The following SNX18 variants were observed in gnomAD, a reference collection of about 807,000 sequenced individuals.
SNX18 encodes sorting nexin 18, also known as sorting nexin-18.
Under a neutral mutation model 48.7 loss-of-function variants are expected in SNX18, and 35 were observed. The observed-to-expected ratio is 0.72, with a 90% CI of 0.55 to 0.95. The LOEUF is 0.95. SNX18 is among the 40% of genes least tolerant of loss of function. SNX18 has a pLI of 0.00. For missense variants in SNX18, 824 were observed against 871.0 expected (o/e 0.95, Z 0.68); for synonymous variants, 492 against 384.7 (o/e 1.28, Z -3.26).
At chr5:54,566,674 T>C in the SNX18 span, among the ~76,000 whole-genome samples, 1 of 152,328 alleles carries the variant, frequency 6.6e-6, no homozygotes, top group African/African-American at 2.4e-5. Flanking sequence ...ATGTGCATTG[T>C]TTTAAGGGTT....
chr5:54,571,581 A>C, the SNX18 span, among the ~76,000 whole-genome samples: 189 of 152,212 alleles, frequency 1.2e-3, 2 homozygotes, highest in Middle Eastern at 3.4e-3. Context: ...GACGGATTGG[A>C]ATGACTTGAG....
chr5:54,540,304 C>T (rs1000837190), intron 1 of SNX18, among the ~76,000 whole-genome samples: 2 of 151,964 alleles, frequency 1.3e-5, no homozygotes, highest in Non-Finnish European at 1.5e-5. Context: ...CAGCCTCAAC[C>T]TCCTGGACTC....
the SNX18 span, among the ~76,000 whole-genome samples, chr5:54,633,547 A>G: frequency 1.3e-5 from 2 of 152,218 alleles, no homozygotes; most frequent in Admixed American, 6.5e-5. Flanking sequence ...TAGTAGCTGT[A>G]GGACATTGGG....
At chr5:54,594,772 A>G in the SNX18 span, among the ~76,000 whole-genome samples, 1 of 152,158 alleles carries the variant, frequency 6.6e-6, no homozygotes, top group African/African-American at 2.4e-5. Flanking sequence ...GATTGATCCT[A>G]TCACCCAGGT....
chr5:54,616,935 G>T, the SNX18 span, among the ~76,000 whole-genome samples: 1 of 152,160 alleles, frequency 6.6e-6, no homozygotes, highest in African/African-American at 2.4e-5. Context: ...GGAGATATTT[G>T]GGGACAGGGA....
the SNX18 span, among the ~76,000 whole-genome samples, chr5:54,630,829 C>CA: frequency 0.024 from 2,261 of 94,310 alleles, 68 homozygotes; most frequent in African/African-American, 0.06. Flanking sequence ...AAGACTCAGT[C>CA]AAAAAAAAAA....
chr5:54,587,419 C>T, the SNX18 span, among the ~76,000 whole-genome samples: 1 of 152,072 alleles, frequency 6.6e-6, no homozygotes, highest in East Asian at 1.9e-4. Context: ...TCTATTGCGT[C>T]TTCTGCTGGA....
chr5:54,521,214 G>A (rs1762025586), intron 1 of SNX18, among the ~76,000 whole-genome samples: 1 of 152,218 alleles, frequency 6.6e-6, no homozygotes, highest in South Asian at 2.1e-4. Flanking sequence ...ATGGAACCAA[G>A]TACAGACACT....
intron 1 of SNX18, among the ~76,000 whole-genome samples, chr5:54,537,321 C>T (rs1319856770): frequency 6.6e-6 from 1 of 152,228 alleles, no homozygotes; most frequent in Admixed American, 6.5e-5. Flanking sequence ...TATATTCACA[C>T]TGGTCTGTAT....
the SNX18 span, among the ~76,000 whole-genome samples, chr5:54,597,991 T>C: frequency 1.3e-5 from 2 of 152,130 alleles, no homozygotes; most frequent in East Asian, 3.9e-4. Flanking sequence ...CATAGACTAC[T>C]AGCTAGACTA....
chr5:54,544,637 C>T lies in SNX18; in HGVS notation c.*1205C>T, dbSNP rs890159321. The T allele has an allele frequency of 3.1e-5, 2 of 65,454 alleles. No individual in the cohort carries two copies. Among genetic ancestry groups the T allele is most frequent in the African/African-American group, 9.9e-5 (1 of 10,116 alleles). 4.1% of individuals were successfully genotyped at this position (65,454 alleles called of 1,614,324 possible). ...AAAAAAAAAAAAGGTATTGATGAGC[C>T]CCCCCCCCCCAGGACATTTAACCTT... On this transcript the variant is annotated 3_prime_UTR_variant, in exon 2 of 2. Transcript: ENST00000381410.
intron 1 of SNX18, among the ~76,000 whole-genome samples, chr5:54,536,888 C>T (rs1762367917): frequency 6.6e-6 from 1 of 152,142 alleles, no homozygotes; most frequent in African/African-American, 2.4e-5. Context: ...CTCTCCAGCA[C>T]CTGTTGTTTC....
At chr5:54,618,119 G>C in the SNX18 span, among the ~76,000 whole-genome samples, 27 of 152,262 alleles carry the variant, frequency 1.8e-4, no homozygotes, top group East Asian at 4.8e-3. Flanking sequence ...ACATGCTGCT[G>C]TTCTCATGAT....
the SNX18 span, among the ~76,000 whole-genome samples, chr5:54,622,016 G>A: frequency 1.3e-5 from 2 of 152,244 alleles, no homozygotes; most frequent in Non-Finnish European, 2.9e-5. Flanking sequence ...CTCAGCATGG[G>A]CTGATTCTGG....
the SNX18 span, among the ~76,000 whole-genome samples, chr5:54,553,223 G>A: frequency 6.6e-6 from 1 of 152,208 alleles, no homozygotes; most frequent in African/African-American, 2.4e-5. Flanking sequence ...GAAAGAACAT[G>A]ATCTGCCTCG....
the SNX18 span, among the ~76,000 whole-genome samples, chr5:54,601,422 T>A: frequency 1.3e-5 from 2 of 152,218 alleles, no homozygotes; most frequent in African/African-American, 4.8e-5. Flanking sequence ...CCTGAATGTT[T>A]GCTAGACTCT....
At chr5:54,633,507 G>A in the SNX18 span, among the ~76,000 whole-genome samples, 1 of 152,138 alleles carries the variant, frequency 6.6e-6, no homozygotes, top group African/African-American at 2.4e-5. Flanking sequence ...CAGGAACCAG[G>A]TTCATATTGT....
chr5:54,585,376 T>C, the SNX18 span, among the ~76,000 whole-genome samples: 1 of 145,000 alleles, frequency 6.9e-6, no homozygotes, highest in Non-Finnish European at 1.5e-5. Context: ...CGAGGAGGAA[T>C]TGGCAACACA....
chr5:54,533,570 G>A (rs1762290750), intron 1 of SNX18, among the ~76,000 whole-genome samples: 1 of 152,242 alleles, frequency 6.6e-6, no homozygotes, highest in African/African-American at 2.4e-5. Context: ...GAGTTGGGCA[G>A]ACCCAGGTTC....
Sources: gnomAD v4.1 joint callset for allele counts (sites outside exome capture counted in the v4.1 genomes callset) on GRCh38, gnomAD v4.1.1 for gene constraint, MANE v1.5 for transcripts, NCBI Gene and HGNC (gene_info 2026-07-23, HGNC 2026-07-21) for gene names.